Variants in NRXN1 observed in about 807,000 individuals in gnomAD.
NRXN1 encodes neurexin 1, also known as neurexin-1.
NRXN1 carries 39 observed loss-of-function variants against 150.9 expected under a neutral mutation model. The observed-to-expected ratio is 0.26, with a 90% CI of 0.20 to 0.34. NRXN1 has a LOEUF of 0.34. Ranked by LOEUF, NRXN1 falls within the 10% of genes least tolerant of loss-of-function variation. NRXN1 has a pLI of 1.00. For synonymous variants in NRXN1, 924 were observed against 757.0 expected (o/e 1.22, Z -3.62); for missense variants, 1,815 against 1,949.9 (o/e 0.93, Z 1.30).
intron 5 of NRXN1, among the ~76,000 whole-genome samples, chr2:50,880,393 A>G (rs1209796624): frequency 6.6e-6 from 1 of 151,954 alleles, no homozygotes; most frequent in East Asian, 1.9e-4. Context: ...CAGAAAATAA[A>G]GGTATTTTGT....
chr2:50,810,978 CA>C (rs905910829), intron 5 of NRXN1, among the ~76,000 whole-genome samples: 78 of 129,006 alleles, frequency 6.0e-4, no homozygotes, highest in South Asian at 1.2e-3. Flanking sequence ...GACTCCGTCT[CA>C]AAAAAAAAAA....
chr2:50,714,300 G>A (rs1416575265), intron 5 of NRXN1, among the ~76,000 whole-genome samples: 1 of 152,060 alleles, frequency 6.6e-6, no homozygotes, highest in Non-Finnish European at 1.5e-5. Context: ...TCAGCCAGAG[G>A]GAGGAGAGAA....
At position 50,868,141 on chromosome 2, in the gene NRXN1, TTATATATATATATATA is replaced by T. The variant is rs70958631; in HGVS notation, c.832+53712_832+53727del. On this transcript the variant is annotated intron_variant, in intron 5 of 22. Coordinates refer to ENST00000401669, the MANE Select transcript of NRXN1 (RefSeq NM_001330078.2). ...ACTGGATGAATGGATAAACAAAATA[TTATATATATATATATA>T]TATATATATATATATATATATATAT... Among the ~76,000 whole-genome samples the T allele has an allele frequency of 2.9e-3, 254 of 87,724 alleles. 6 individuals are homozygous for T. The highest frequency in any genetic ancestry group is 5.2e-3 in the African/African-American group (99 of 19,132). The allele number at this position is 87,724 out of a possible 152,430, so 57.6% of individuals were successfully genotyped here. A position where few individuals can be genotyped will look rare whatever the true frequency, so the allele number is the denominator to read the frequency against.
intron 2 of NRXN1, among the ~76,000 whole-genome samples, chr2:51,006,301 A>C (rs1700713504): frequency 6.6e-6 from 1 of 151,694 alleles, no homozygotes; most frequent in Non-Finnish European, 1.5e-5. Context: ...AAGGACAAAA[A>C]ACCAAACACA....
chr2:50,278,246 A>ATATGTAT lies in NRXN1; in HGVS notation c.3365-41277_3365-41276insATACATA, dbSNP rs1553368277. 4.2e-3 allele frequency among the ~76,000 whole-genome samples: 508 copies of ATATGTAT among 120,794 alleles called. 9 individuals carry two copies. Among genetic ancestry groups the ATATGTAT allele is most frequent in the African/African-American group, 0.013 (409 of 30,968 alleles). The allele number at this position is 120,794 out of a possible 152,430, so 79.2% of individuals were successfully genotyped here. A position where few individuals can be genotyped will look rare whatever the true frequency, so the allele number is the denominator to read the frequency against. ...CCTGGCTTTTATATATATATAATAT[A>ATATGTAT]TATATATATTATATATATTATATAT... On this transcript the variant is annotated intron_variant, in intron 17 of 22. Coordinates refer to ENST00000401669, the MANE Select transcript of NRXN1 (RefSeq NM_001330078.2).
In NRXN1 at chr2:50,564,504, A is replaced by G. The variant is rs1411013230; in HGVS notation, c.1321-11479T>C. Among the ~76,000 whole-genome samples, 7 of 152,204 alleles carry G rather than the reference A, an allele frequency of 4.6e-5. No homozygotes were observed. In the East Asian group the frequency reaches 1.3e-3, roughly 29 times the overall value. On this transcript the variant is annotated intron_variant, in intron 8 of 22. Transcript: ENST00000401669. ...TTTTGACTTTATCTGCTAAACAAAT[A>G]GTATTTTTAAAGTAATATTTTTTAT...
intron 15 of NRXN1, among the ~76,000 whole-genome samples, chr2:50,489,294 T>C (rs2091091324): frequency 6.6e-6 from 1 of 152,056 alleles, no homozygotes; most frequent in South Asian, 2.1e-4. Flanking sequence ...ATGGGATGGG[T>C]TGGGATCTTT....
chr2:50,858,807 T>A (rs1295263690), intron 5 of NRXN1, among the ~76,000 whole-genome samples: 1 of 152,150 alleles, frequency 6.6e-6, no homozygotes, highest in Non-Finnish European at 1.5e-5. Flanking sequence ...AATTGCACAA[T>A]TTTATCTAGA....
intron 19 of NRXN1, among the ~76,000 whole-genome samples, chr2:50,059,792 C>G (rs1397624108): frequency 6.6e-6 from 1 of 152,202 alleles, no homozygotes; most frequent in African/African-American, 2.4e-5. Flanking sequence ...AGCCCCAAAC[C>G]TTGGTGGCTT....
intron 19 of NRXN1, among the ~76,000 whole-genome samples, chr2:50,071,862 T>G (rs548810532): frequency 1.3e-5 from 2 of 152,356 alleles, no homozygotes; most frequent in South Asian, 4.1e-4. Flanking sequence ...TCTGTGTTAA[T>G]GTCAAAATCA....
intron 5 of NRXN1, among the ~76,000 whole-genome samples, chr2:50,685,534 C>T (rs2104833235): frequency 6.6e-6 from 1 of 152,206 alleles, no homozygotes; most frequent in South Asian, 2.1e-4. Context: ...TCTTTATTTT[C>T]ATTTGGATTC....
At chr2:50,545,718 G>T (rs1313498012) in intron 9 of NRXN1, among the ~76,000 whole-genome samples, 2 of 152,122 alleles carry the variant, frequency 1.3e-5, no homozygotes, top group Non-Finnish European at 2.9e-5. Flanking sequence ...TTTATGATGA[G>T]AAATTTACTT....
chr2:50,816,717 G>A (rs1227349133), intron 5 of NRXN1, among the ~76,000 whole-genome samples: 1 of 152,134 alleles, frequency 6.6e-6, no homozygotes, highest in South Asian at 2.1e-4. Context: ...AAAGATTCTG[G>A]CCCTGATGCA....
intron 21 of NRXN1, 119 bp downstream of exon 21, chr2:50,053,152 G>A: frequency 2.1e-6 from 2 of 955,044 alleles, no homozygotes; most frequent in South Asian, 2.7e-5. Context: ...AGTTTCAAAG[G>A]AAGCTGTAGT....
intron 17 of NRXN1, among the ~76,000 whole-genome samples, chr2:50,253,118 G>T (rs910180473): frequency 6.6e-6 from 1 of 151,998 alleles, no homozygotes; most frequent in African/African-American, 2.4e-5. Context: ...CCTTGAAGAG[G>T]TCCTTCACTT....
intron 8 of NRXN1, among the ~76,000 whole-genome samples, chr2:50,613,451 A>G (rs1025988400): frequency 6.6e-6 from 1 of 152,216 alleles, no homozygotes; most frequent in Non-Finnish European, 1.5e-5. Flanking sequence ...GACATACTGT[A>G]TAGTGCATAC....
intron 5 of NRXN1, among the ~76,000 whole-genome samples, chr2:50,822,936 AT>A (rs1257717425): frequency 6.6e-6 from 1 of 152,160 alleles, no homozygotes; most frequent in Non-Finnish European, 1.5e-5. Flanking sequence ...TCTCTGACTG[AT>A]TATGGGCTAC....
At chr2:50,074,583 T>C (rs950727647) in intron 19 of NRXN1, among the ~76,000 whole-genome samples, 1 of 152,162 alleles carries the variant, frequency 6.6e-6, no homozygotes, top group African/African-American at 2.4e-5. Flanking sequence ...ATAGATTACA[T>C]AGAATCACAG....
chr2:50,915,681 A>G (rs1356444023), intron 5 of NRXN1, among the ~76,000 whole-genome samples: 1 of 151,438 alleles, frequency 6.6e-6, no homozygotes, highest in Non-Finnish European at 1.5e-5. Context: ...GATGGAAAGA[A>G]GATATTAAGA....
Sources: allele counts gnomAD v4.1 joint callset (sites outside exome capture counted in the v4.1 genomes callset), GRCh38; gene constraint gnomAD v4.1.1; transcripts MANE v1.5; gene names NCBI Gene and HGNC (gene_info 2026-07-23, HGNC 2026-07-21).